The following SEMA3A variants were observed in gnomAD, a reference collection of about 807,000 sequenced individuals.
SEMA3A encodes the protein semaphorin-3A.
Under a neutral mutation model 97.9 loss-of-function variants are expected in SEMA3A, and 29 were observed. The observed-to-expected ratio is 0.30, with a 90% CI of 0.22 to 0.40. The LOEUF (loss-of-function observed/expected upper bound fraction) is 0.40, where lower values mean the gene tolerates loss of function less well. SEMA3A is among the 10% of genes least tolerant of loss of function. The pLI is 1.00. For synonymous variants in SEMA3A, 321 were observed against 323.7 expected (o/e 0.99, Z 0.09); for missense variants, 763 against 951.3 (o/e 0.80, Z 2.60).
chr7:84,057,785 T>TAAATAAATA (rs1339768247), intron 5 of SEMA3A, among the ~76,000 whole-genome samples: 5 of 151,338 alleles, frequency 3.3e-5, no homozygotes, highest in Admixed American at 1.3e-4. Flanking sequence ...AATAAATAAA[T>TAAATAAATA]AAATAAAGAC....
intron 2 of SEMA3A, among the ~76,000 whole-genome samples, chr7:84,333,835 G>T (rs1447130091): frequency 6.6e-6 from 1 of 152,012 alleles, no homozygotes; most frequent in Non-Finnish European, 1.5e-5. Context: ...CATCAGGGAA[G>T]TTATTTTTAA....
chr7:84,043,830 A>C (rs562979302), intron 6 of SEMA3A, among the ~76,000 whole-genome samples: 64 of 152,178 alleles, frequency 4.2e-4, no homozygotes, highest in African/African-American at 1.4e-3. Context: ...TCTCAAATGA[A>C]CTACACATTT....
intron 1 of SEMA3A, among the ~76,000 whole-genome samples, chr7:84,434,584 T>TA (rs1457928066): frequency 1.3e-5 from 2 of 152,086 alleles, no homozygotes; most frequent in Non-Finnish European, 2.9e-5. Flanking sequence ...CCAATATCCC[T>TA]AATGAGGACA....
chr7:84,321,604 C>G (rs964391017), intron 2 of SEMA3A, among the ~76,000 whole-genome samples: 9 of 151,832 alleles, frequency 5.9e-5, no homozygotes, highest in Admixed American at 2.6e-4. Flanking sequence ...GAAGAAATAC[C>G]AGTGGCTCAC....
At chr7:84,475,232 TAGAG>T (rs559534125) in intron 1 of SEMA3A, among the ~76,000 whole-genome samples, 3 of 151,984 alleles carry the variant, frequency 2.0e-5, no homozygotes, top group Non-Finnish European at 2.9e-5. Context: ...AATGGATTGT[TAGAG>T]AGAGAGAGTC....
chr7:84,196,281 A>G (rs905363694), upstream of SEMA3A, among the ~76,000 whole-genome samples: 1 of 152,156 alleles, frequency 6.6e-6, no homozygotes, highest in Non-Finnish European at 1.5e-5. Flanking sequence ...TGATCTAAGC[A>G]TTGTCACTAC....
chr7:84,263,616 T>C (rs1799914704), intron 3 of SEMA3A, among the ~76,000 whole-genome samples: 1 of 152,190 alleles, frequency 6.6e-6, no homozygotes, highest in Admixed American at 6.5e-5. Context: ...CATATAAGCA[T>C]TTGCTATTAT....
chr7:84,138,069 T>C (rs1027911399), intron 1 of SEMA3A, among the ~76,000 whole-genome samples: 11 of 152,142 alleles, frequency 7.2e-5, no homozygotes, highest in Non-Finnish European at 1.5e-4. Context: ...ATAATGCCTA[T>C]AAAAATACTA....
chr7:83,981,539 T>C (rs1205733828), intron 13 of SEMA3A, 61 bp from the exon 14 acceptor site: 24 of 1,332,062 alleles, frequency 1.8e-5, no homozygotes, highest in Non-Finnish European at 2.4e-5. Flanking sequence ...TCTTGTTCTC[T>C]TAAAAAAGAG....
chr7:84,206,316 TG>T, intron 3 of SEMA3A, among the ~76,000 whole-genome samples: 1 of 148,404 alleles, frequency 6.7e-6, no homozygotes, highest in South Asian at 2.1e-4. Flanking sequence ...GAAACCAAGA[TG>T]GCATTTTTTT....
chr7:84,148,129 G>T (rs1434629280), intron 1 of SEMA3A, among the ~76,000 whole-genome samples: 1 of 151,972 alleles, frequency 6.6e-6, no homozygotes, highest in Non-Finnish European at 1.5e-5. Flanking sequence ...TGGCCAGGCT[G>T]GTCTCGAACC....
intron 12 of SEMA3A, among the ~76,000 whole-genome samples, chr7:83,993,299 C>T (rs1322162314): frequency 2.9e-5 from 4 of 139,452 alleles, no homozygotes; most frequent in Non-Finnish European, 6.1e-5. Context: ...TTAATTGGAG[C>T]ATTTAGTCCA....
At chr7:84,238,997 G>A (rs906856122) in intron 3 of SEMA3A, among the ~76,000 whole-genome samples, 17 of 152,080 alleles carry the variant, frequency 1.1e-4, no homozygotes, top group Non-Finnish European at 2.4e-4. Context: ...GATGACAGGC[G>A]TGAGCCACCA....
chr7:84,397,428 A>T (rs902515943), intron 1 of SEMA3A, among the ~76,000 whole-genome samples: 24 of 148,222 alleles, frequency 1.6e-4, no homozygotes, highest in Non-Finnish European at 3.4e-4. Flanking sequence ...TATATATAAA[A>T]TATATAATAT....
chr7:84,370,546 T>G (rs953630109), intron 2 of SEMA3A, among the ~76,000 whole-genome samples: 1 of 151,738 alleles, frequency 6.6e-6, no homozygotes, highest in African/African-American at 2.4e-5. Context: ...AGAAACATCT[T>G]GGTTGCTCTG....
intron 2 of SEMA3A, among the ~76,000 whole-genome samples, chr7:84,316,217 G>A (rs1450394285): frequency 6.9e-6 from 1 of 145,172 alleles, no homozygotes; most frequent in East Asian, 2.1e-4. Flanking sequence ...TTTAATTTGA[G>A]AGAAGTTAAC....
chr7:84,223,290 G>A (rs567131597), intron 3 of SEMA3A, among the ~76,000 whole-genome samples: 4 of 151,844 alleles, frequency 2.6e-5, no homozygotes, highest in East Asian at 1.9e-4. Flanking sequence ...TCCATATAGA[G>A]GTGTGTATGT....
chr7:84,133,886 TAAAAAAAAAAAA>T (rs60263065), intron 2 of SEMA3A, among the ~76,000 whole-genome samples: 1 of 78,844 alleles, frequency 1.3e-5, no homozygotes, highest in Non-Finnish European at 2.5e-5. Context: ...TCGTCTCTAC[TAAAAAAAAAAAA>T]AAAAAAAAAA....
intron 1 of SEMA3A, among the ~76,000 whole-genome samples, chr7:84,138,659 G>A (rs919388679): frequency 2.0e-5 from 3 of 152,080 alleles, no homozygotes; most frequent in Non-Finnish European, 4.4e-5. Context: ...ATATGTGTTA[G>A]CAGCTGTCTT....
Sources: gnomAD v4.1 joint callset for allele counts (sites outside exome capture counted in the v4.1 genomes callset) on GRCh38, gnomAD v4.1.1 for gene constraint, MANE v1.5 for transcripts, NCBI Gene and HGNC (gene_info 2026-07-23, HGNC 2026-07-21) for gene names.